Variants in PYGO1 observed in about 807,000 individuals in gnomAD.
The protein encoded by PYGO1 is pygopus family PHD finger 1.
A neutral mutation model predicts 29.5 loss-of-function variants in PYGO1; 6 were observed. That is an observed-to-expected ratio of 0.20 (90% CI 0.11 to 0.40). The LOEUF (loss-of-function observed/expected upper bound fraction) is 0.40, where lower values mean the gene tolerates loss of function less well. Ranked by LOEUF, PYGO1 falls within the 10% of genes least tolerant of loss-of-function variation. The pLI is 1.00. For missense variants in PYGO1, 515 were observed against 514.9 expected, an observed-to-expected ratio of 1.00 and a Z score of 0.00; for synonymous variants, 186 against 180.5, an observed-to-expected ratio of 1.03 and a Z score of -0.24.
chr15:55,586,014 A>C (rs2059044718), intron 1 of PYGO1, among the ~76,000 whole-genome samples: 1 of 152,234 alleles, frequency 6.6e-6, no homozygotes, highest in African/African-American at 2.4e-5. Flanking sequence ...GTTTTCTCTT[A>C]AATGGCTAAG....
intron 1 of PYGO1, among the ~76,000 whole-genome samples, chr15:55,585,905 C>T (rs190272254): frequency 2.0e-4 from 30 of 152,304 alleles, no homozygotes; most frequent in Non-Finnish European, 2.9e-4. Flanking sequence ...AAGGCTTTGG[C>T]AACTCACAAC....
rs1426733410 is a variant in PYGO1, at chr15:55,546,067, T to TA, written c.1215dup (p.Thr406TyrfsTer2). On this transcript the variant is annotated frameshift_variant, in exon 3 of 3. Coordinates refer to ENST00000563719, the MANE Select transcript of PYGO1 (RefSeq NM_001367806.1). LOFTEE classifies it high-confidence loss of function. Reference sequence around the variant, plus strand: ...GCAGATGGACCAAAAGTTTCTCTAGTACGCATTAACTGGACATCTTTGTCA... The same window carrying TA: ...GCAGATGGACCAAAAGTTTCTCTAGTAACGCATTAACTGGACATCTTTGTCA... 6.2e-7 allele frequency: 1 copy of TA among 1,614,098 alleles called. No individual in the cohort carries two copies. Among genetic ancestry groups the TA allele is most frequent in the Admixed American group, 1.7e-5 (1 of 60,014 alleles).
intron 1 of PYGO1, among the ~76,000 whole-genome samples, chr15:55,571,926 G>A (rs1364149344): frequency 6.6e-6 from 1 of 152,014 alleles, no homozygotes; most frequent in Admixed American, 6.6e-5. Flanking sequence ...TGTTCCAGAT[G>A]GCTAGCCACA....
At chr15:55,558,816 C>G (rs1249272733) in intron 1 of PYGO1, among the ~76,000 whole-genome samples, 1 of 151,932 alleles carries the variant, frequency 6.6e-6, no homozygotes, top group Non-Finnish European at 1.5e-5. Flanking sequence ...TTCCTTACAC[C>G]TTATACAAAA....
rs202218683 is a variant in PYGO1 at position 55,587,909 on chromosome 15, C to G, written c.-26G>C. 144 of 1,465,712 alleles carry G rather than the reference C, an allele frequency of 9.8e-5. No individual in the cohort carries two copies. Among genetic ancestry groups the G allele is most frequent in the African/African-American group, 3.6e-4 (25 of 68,876 alleles). The allele number at this position is 1,465,712 out of a possible 1,614,324, so 90.8% of individuals were successfully genotyped here. ...TACAGACCGCAAAGCATGACTCCCC[C>G]CCAGGCCGCGGGAATTCGGTCTCTT... On this transcript the variant is annotated 5_prime_UTR_variant, in exon 1 of 3. Coordinates refer to ENST00000563719, the MANE Select transcript of PYGO1 (RefSeq NM_001367806.1).
intron 2 of PYGO1, among the ~76,000 whole-genome samples, 165 bp downstream of exon 2, chr15:55,548,745 A>G (rs981844463): frequency 1.0e-4 from 12 of 120,518 alleles, no homozygotes; most frequent in East Asian, 7.2e-4. Context: ...AAAAAAAAAA[A>G]AAAAGAAAGT....
intron 1 of PYGO1, among the ~76,000 whole-genome samples, chr15:55,550,428 C>T (rs567456765): frequency 3.3e-5 from 5 of 152,240 alleles, no homozygotes; most frequent in African/African-American, 1.2e-4. Flanking sequence ...TCTCTATCAT[C>T]CCAACAGGCC....
intron 1 of PYGO1, among the ~76,000 whole-genome samples, chr15:55,587,490 G>T (rs2059052906): frequency 6.6e-6 from 1 of 151,978 alleles, no homozygotes; most frequent in South Asian, 2.1e-4. Flanking sequence ...ACCGTTCGAG[G>T]TCTCTGCCAG....
chr15:55,575,448 G>C (rs946980698), intron 1 of PYGO1, among the ~76,000 whole-genome samples: 1 of 152,022 alleles, frequency 6.6e-6, no homozygotes, highest in Non-Finnish European at 1.5e-5. Flanking sequence ...TGTTTTTGTA[G>C]GAAATAGACA....
chr15:55,548,943 G>A lies in PYGO1; in HGVS notation c.102C>T (p.Ser34=), dbSNP rs1328933418. 3 of 1,610,674 alleles carry A rather than the reference G, an allele frequency of 1.9e-6. No individual in the cohort carries two copies. The highest frequency in any genetic ancestry group is 2.5e-6 in the Non-Finnish European group (3 of 1,178,726). Residue 34 remains serine, a synonymous_variant, in exon 2 of 3, where the codon AGC becomes AGT. Coordinates refer to ENST00000563719, the MANE Select transcript of PYGO1 (RefSeq NM_001367806.1). ...GLGGPGVQLG[S]PDKKKRKANT... is the part of the protein sequence containing the mutation. ...TTGCCTTGCGCTTTTTCTTATCTGGGCTTCCTAGTTGTACACCTGGTCCTC... is the reference window on the plus strand; with the variant it reads ...TTGCCTTGCGCTTTTTCTTATCTGGACTTCCTAGTTGTACACCTGGTCCTC...
chr15:55,580,382 T>A (rs1595994951), intron 1 of PYGO1, among the ~76,000 whole-genome samples: 1 of 152,208 alleles, frequency 6.6e-6, no homozygotes, highest in Non-Finnish European at 1.5e-5. Context: ...TTATGTACAT[T>A]TATTGATTGA....
At chr15:55,560,062 C>T (rs941929599) in intron 1 of PYGO1, among the ~76,000 whole-genome samples, 12 of 151,952 alleles carry the variant, frequency 7.9e-5, no homozygotes, top group Non-Finnish European at 1.3e-4. Context: ...TATGACAAAC[C>T]CACAGCTGAT....
rs2058898783 is a variant in PYGO1 at position 55,555,224 on chromosome 15, AATTTCCAACCAAGAATTTC to A, written c.50-6248_50-6230del. Among the ~76,000 whole-genome samples, 3 of 152,130 alleles carry A rather than the reference AATTTCCAACCAAGAATTTC, an allele frequency of 2.0e-5. No homozygotes were observed. The South Asian group carries it at 6.2e-4, about 32-fold the overall frequency. ...CAATGTTCAACATTCTTAAAGAAAA[AATTTCCAACCAAGAATTTC>A]ATATCCGACCAAACTAAGCTTTATA... On this transcript the variant is annotated intron_variant, in intron 1 of 2. Coordinates refer to ENST00000563719, the MANE Select transcript of PYGO1 (RefSeq NM_001367806.1).
intron 1 of PYGO1, among the ~76,000 whole-genome samples, chr15:55,558,561 CA>C (rs201593293): frequency 0.054 from 8,179 of 152,050 alleles, 303 homozygotes; most frequent in Middle Eastern, 0.068. Context: ...GCCAAAAGAA[CA>C]AAGCTGGAGG....
upstream of PYGO1, among the ~76,000 whole-genome samples, chr15:55,588,520 G>A (rs1402725600): frequency 6.8e-6 from 1 of 147,130 alleles, no homozygotes; most frequent in African/African-American, 2.4e-5. Flanking sequence ...GCCGCCTCGC[G>A]CTCCGCCTCG....
At chr15:55,555,655 C>T (rs1479587852) in intron 1 of PYGO1, among the ~76,000 whole-genome samples, 1 of 151,854 alleles carries the variant, frequency 6.6e-6, no homozygotes, top group South Asian at 2.1e-4. Context: ...CACATGTACC[C>T]TAAAACTTAA....
At chr15:55,588,853 G>T (rs557887675), upstream of PYGO1, 4 of 1,613,722 alleles carry the variant, frequency 2.5e-6, no homozygotes, top group Non-Finnish European at 3.4e-6. Context: ...CGGCGGGCAT[G>T]TGGGGATCCA....
chr15:55,567,629 T>C (rs1381127419), intron 1 of PYGO1, among the ~76,000 whole-genome samples: 1 of 152,178 alleles, frequency 6.6e-6, no homozygotes, highest in East Asian at 1.9e-4. Flanking sequence ...TACTTGTCAA[T>C]TTTTGTTTTT....
At position 55,577,243 on chromosome 15, in the gene PYGO1, T is replaced by C. The variant is rs567555392; in HGVS notation, c.49+10592A>G. Among the ~76,000 whole-genome samples the C allele has an allele frequency of 2.1e-3, 317 of 152,272 alleles. 1 individual carries two copies. Among genetic ancestry groups the C allele is most frequent in the African/African-American group, 6.8e-3 (284 of 41,546 alleles). ...ATTCAGTGAAAGGCTGATCAAGGAT[T>C]CAAAAGAATGCAAACTTTTGTCTCT... On this transcript the variant is annotated intron_variant, in intron 1 of 2. Transcript: ENST00000563719.
Sources: gnomAD v4.1 joint callset for allele counts (sites outside exome capture counted in the v4.1 genomes callset) on GRCh38, gnomAD v4.1.1 for gene constraint, MANE v1.5 for transcripts, NCBI Gene and HGNC (gene_info 2026-07-23, HGNC 2026-07-21) for gene names.